The following KCNC2 variants were observed in gnomAD, a reference collection of about 807,000 sequenced individuals.
KCNC2 encodes voltage-gated potassium channel KCNC2.
Under a neutral mutation model 44.5 loss-of-function variants are expected in KCNC2, and 21 were observed. The observed-to-expected ratio is 0.47, with a 90% CI of 0.33 to 0.68. The LOEUF (loss-of-function observed/expected upper bound fraction) is 0.68. KCNC2 is among the 30% of genes least tolerant of loss of function. The pLI, the probability that KCNC2 is intolerant of heterozygous loss-of-function variation, is 0.01. For synonymous variants in KCNC2, 391 were observed against 339.1 expected (o/e 1.15, Z -1.68); for missense variants, 589 against 826.2 (o/e 0.71, Z 3.52).
At chr12:75,186,236 T>A (rs1276330476) in intron 2 of KCNC2, among the ~76,000 whole-genome samples, 2 of 152,106 alleles carry the variant, frequency 1.3e-5, no homozygotes, top group Non-Finnish European at 2.9e-5. Context: ...TTGAAACATC[T>A]GGTGCATTTT....
chr12:75,203,607 G>GT (rs1254211849), intron 2 of KCNC2, among the ~76,000 whole-genome samples: 1 of 151,708 alleles, frequency 6.6e-6, no homozygotes, highest in Admixed American at 6.6e-5. Flanking sequence ...TTATTATTTT[G>GT]TTTTTTCTTT....
rs1326470456 is a variant in KCNC2, at chr12:75,041,976, GAAC to G, written c.*1126_*1128del. ...AAAGACAGGGAGCTAAGACAGACAA[GAAC>G]AACATACAGGACAAAGCACCTGATT... On this transcript the variant is annotated 3_prime_UTR_variant, in exon 5 of 5. Transcript: ENST00000549446. The G allele has an allele frequency of 9.7e-7, 1 of 1,029,968 alleles. No homozygotes were observed. Among genetic ancestry groups the G allele is most frequent in the Non-Finnish European group, 1.2e-6 (1 of 859,776 alleles). 63.8% of individuals were successfully genotyped at this position (1,029,968 alleles called of 1,614,324 possible).
At chr12:75,105,067 TCAA>T (rs951862574) in intron 2 of KCNC2, among the ~76,000 whole-genome samples, 2 of 152,020 alleles carry the variant, frequency 1.3e-5, no homozygotes, top group African/African-American at 4.8e-5. Context: ...CAAAGACATA[TCAA>T]CAAGTAAAAT....
chr12:75,191,150 C>A (rs1182604299), intron 2 of KCNC2, among the ~76,000 whole-genome samples: 1 of 151,684 alleles, frequency 6.6e-6, no homozygotes, highest in East Asian at 1.9e-4. Flanking sequence ...ACATGTAGGA[C>A]CTATATAAAG....
chr12:75,091,591 A>G (rs1225565432), intron 2 of KCNC2, among the ~76,000 whole-genome samples: 1 of 151,734 alleles, frequency 6.6e-6, no homozygotes, highest in Non-Finnish European at 1.5e-5. Flanking sequence ...GTGTTGCTCT[A>G]ATTAGAAAGT....
intron 2 of KCNC2, among the ~76,000 whole-genome samples, chr12:75,092,700 TA>T (rs1885588513): frequency 6.6e-6 from 1 of 151,658 alleles, no homozygotes; most frequent in African/African-American, 2.4e-5. Flanking sequence ...ATTTTATAGT[TA>T]AAAAATAAAT....
At chr12:75,165,786 T>A (rs532843991) in intron 2 of KCNC2, among the ~76,000 whole-genome samples, 1 of 151,518 alleles carries the variant, frequency 6.6e-6, no homozygotes, top group Non-Finnish European at 1.5e-5. Flanking sequence ...TACATTTGCC[T>A]AAGTGTTTCA....
chr12:75,172,834 G>A (rs1023653028), intron 2 of KCNC2, among the ~76,000 whole-genome samples: 41 of 151,774 alleles, frequency 2.7e-4, no homozygotes, highest in African/African-American at 9.2e-4. Flanking sequence ...TTCCCCATGT[G>A]CCAGCTGTTT....
intron 2 of KCNC2, among the ~76,000 whole-genome samples, chr12:75,105,017 C>T (rs1264397044): frequency 6.6e-6 from 1 of 151,950 alleles, no homozygotes; most frequent in Non-Finnish European, 1.5e-5. Context: ...TATAGAAGTC[C>T]CTGCCCTCAG....
intron 2 of KCNC2, among the ~76,000 whole-genome samples, chr12:75,089,873 A>C (rs12306847): frequency 0.016 from 2,410 of 151,960 alleles, 66 homozygotes; most frequent in African/African-American, 0.055. Flanking sequence ...ACATATGGAT[A>C]ATAGTCGTCG....
At chr12:75,168,220 CT>C (rs540292490) in intron 2 of KCNC2, among the ~76,000 whole-genome samples, 14 of 151,006 alleles carry the variant, frequency 9.3e-5, no homozygotes, top group Non-Finnish European at 1.6e-4. Context: ...TTTTAAATAC[CT>C]TTTTTTTGAG....
intron 2 of KCNC2, among the ~76,000 whole-genome samples, chr12:75,071,808 G>A (rs1246976066): frequency 8.6e-5 from 13 of 151,708 alleles, no homozygotes; most frequent in Admixed American, 5.3e-4. Flanking sequence ...TTGGTGGCAC[G>A]CACCTGTAAT....
At chr12:75,062,097 T>A (rs1203826918) in intron 2 of KCNC2, among the ~76,000 whole-genome samples, 1 of 152,098 alleles carries the variant, frequency 6.6e-6, no homozygotes, top group Admixed American at 6.6e-5. Context: ...AAAATTATTT[T>A]TTATTTAATC....
In KCNC2 at chr12:75,041,812, AATTTATAC is replaced by A; in HGVS notation, c.*1285_*1292del. On this transcript the variant is annotated 3_prime_UTR_variant, in exon 5 of 5. Coordinates refer to ENST00000549446, the MANE Select transcript of KCNC2 (RefSeq NM_139137.4). ...CTTAGGTAGTCTACAGAGCATCATT[AATTTATAC>A]ACAAAGCAGAGAGGCTGCTCCAAAT... 2.0e-6 allele frequency: 2 copies of A among 989,124 alleles called. No homozygotes were observed. Among genetic ancestry groups the A allele is most frequent in the Non-Finnish European group, 2.4e-6 (2 of 832,252 alleles). The allele number at this position is 989,124 out of a possible 1,614,324, so 61.3% of individuals were successfully genotyped here. A position where few individuals can be genotyped will look rare whatever the true frequency, so the allele number is the denominator to read the frequency against.
chr12:75,132,770 A>C (rs1888945732), intron 2 of KCNC2, among the ~76,000 whole-genome samples: 1 of 152,094 alleles, frequency 6.6e-6, no homozygotes, highest in Non-Finnish European at 1.5e-5. Context: ...ATAGTGATAC[A>C]TTTGTATGTC....
At chr12:75,188,975 G>A (rs558694046) in intron 2 of KCNC2, among the ~76,000 whole-genome samples, 1 of 152,090 alleles carries the variant, frequency 6.6e-6, no homozygotes, top group Admixed American at 6.5e-5. Context: ...AATCCAGAAG[G>A]GTTTGTATTA....
chr12:75,040,172 A>G lies in KCNC2; in HGVS notation c.*2933T>C, dbSNP rs1397313768. On this transcript the variant is annotated 3_prime_UTR_variant, in exon 5 of 5. Transcript: ENST00000549446. Reference sequence around the variant, plus strand: ...TCAGTTAGTTACATTTCCACTGGTTATCATCAAGGTTGTGCATGCGCCTTG... The same window carrying G: ...TCAGTTAGTTACATTTCCACTGGTTGTCATCAAGGTTGTGCATGCGCCTTG... The G allele has an allele frequency of 3.9e-5, 6 of 152,044 alleles. No homozygotes were observed. The highest frequency in any genetic ancestry group is 3.9e-4 in the Admixed American group (6 of 15,240). The allele number at this position is 152,044 out of a possible 1,614,324, so 9.4% of individuals were successfully genotyped here.
intron 2 of KCNC2, among the ~76,000 whole-genome samples, chr12:75,193,925 T>C (rs567557344): frequency 1.4e-4 from 22 of 152,136 alleles, no homozygotes; most frequent in Non-Finnish European, 2.2e-4. Context: ...AGAAATTCCA[T>C]AGAGGGACTA....
intron 2 of KCNC2, among the ~76,000 whole-genome samples, chr12:75,204,121 A>G (rs1414765873): frequency 1.3e-5 from 2 of 151,916 alleles, no homozygotes; most frequent in African/African-American, 4.8e-5. Flanking sequence ...TTTCTCCACA[A>G]CAGGTTTCCA....
Sources: allele counts gnomAD v4.1 joint callset (sites outside exome capture counted in the v4.1 genomes callset), GRCh38; gene constraint gnomAD v4.1.1; transcripts MANE v1.5; gene names NCBI Gene and HGNC (gene_info 2026-07-23, HGNC 2026-07-21).